Variants in QNG1 observed in about 807,000 individuals in gnomAD.
QNG1 encodes the protein queuosine 5'-phosphate N-glycosylase/hydrolase.
the QNG1 span, chr9:83,939,755 A>G: frequency 5.3e-5 from 84 of 1,584,404 alleles, no homozygotes; most frequent in African/African-American, 9.7e-4. Context: ...TGCAAGGGGG[A>G]AAAGCAGTAA....
chr9:83,946,523 A>G, the QNG1 span, among the ~76,000 whole-genome samples: 1 of 152,238 alleles, frequency 6.6e-6, no homozygotes, highest in African/African-American at 2.4e-5. Context: ...AAATATGAAA[A>G]TAAAATAGCC....
chr9:83,956,251 C>T, the QNG1 span: 14 of 1,614,016 alleles, frequency 8.7e-6, no homozygotes, highest in African/African-American at 2.7e-5. Context: ...CACTTGTGCT[C>T]GTCCTGCTCC....
At chr9:83,954,362 A>C in the QNG1 span, among the ~76,000 whole-genome samples, 1 of 152,196 alleles carries the variant, frequency 6.6e-6, no homozygotes, top group Non-Finnish European at 1.5e-5. Flanking sequence ...AAGGAAGTAA[A>C]GAATGAAATA....
At chr9:83,954,147 G>A in the QNG1 span, among the ~76,000 whole-genome samples, 97 of 152,086 alleles carry the variant, frequency 6.4e-4, no homozygotes, top group Non-Finnish European at 1.2e-3. Context: ...ACCTACCTAG[G>A]CCTCCCAAAG....
At chr9:83,947,924 C>G in the QNG1 span, among the ~76,000 whole-genome samples, 3 of 152,310 alleles carry the variant, frequency 2.0e-5, no homozygotes, top group African/African-American at 7.2e-5. Context: ...CAGCCTCTGC[C>G]CGGCCGCCAC....
At chr9:83,939,835 G>T in the QNG1 span, 1 of 818,580 alleles carries the variant, frequency 1.2e-6, no homozygotes, top group South Asian at 1.6e-5. Flanking sequence ...GTATTTAAAT[G>T]GTACTCATTT....
At chr9:83,942,310 T>A in the QNG1 span, among the ~76,000 whole-genome samples, 1 of 152,198 alleles carries the variant, frequency 6.6e-6, no homozygotes, top group Non-Finnish European at 1.5e-5. Context: ...ATGGCCCAGG[T>A]ATTTGGTCTA....
the QNG1 span, chr9:83,939,320 C>T: frequency 1.9e-6 from 1 of 537,136 alleles, no homozygotes; most frequent in South Asian, 2.2e-5. Context: ...GATCCACCCG[C>T]CTCAGCCTCC....
chr9:83,948,479 G>A, the QNG1 span, among the ~76,000 whole-genome samples: 14 of 148,988 alleles, frequency 9.4e-5, no homozygotes, highest in Non-Finnish European at 1.9e-4. Flanking sequence ...GGGAGGTGGG[G>A]GGCGCCTCCG....
the QNG1 span, chr9:83,939,526 A>G: frequency 6.2e-7 from 1 of 1,612,340 alleles, no homozygotes; most frequent in East Asian, 2.2e-5. Context: ...AATATATGCA[A>G]CGTATGCGAT....
chr9:83,944,541 T>C, the QNG1 span, among the ~76,000 whole-genome samples: 7 of 152,250 alleles, frequency 4.6e-5, no homozygotes, highest in Non-Finnish European at 1.0e-4. Flanking sequence ...TCATGTAACA[T>C]AAATTTAGGT....
chr9:83,948,237 C>T, the QNG1 span, among the ~76,000 whole-genome samples: 55 of 150,990 alleles, frequency 3.6e-4, no homozygotes, highest in African/African-American at 1.3e-3. Context: ...CGTTTCTGGC[C>T]GGCCGCCCCG....
At chr9:83,955,632 T>G in the QNG1 span, 1 of 1,610,762 alleles carries the variant, frequency 6.2e-7, no homozygotes. Context: ...GCACTAGTTA[T>G]TGGTATCCCT....
At chr9:83,939,073 T>C in the QNG1 span, 1 of 178,906 alleles carries the variant, frequency 5.6e-6, no homozygotes, top group Non-Finnish European at 1.2e-5. Context: ...GTTGTTGTTG[T>C]TGTTGTTGTT....
the QNG1 span, chr9:83,955,760 G>T: frequency 1.1e-6 from 1 of 937,002 alleles, no homozygotes; most frequent in East Asian, 2.4e-5. Flanking sequence ...TGCACCAAAA[G>T]TGGAAGAATA....
chr9:83,956,291 C>G, the QNG1 span: 4 of 1,614,176 alleles, frequency 2.5e-6, no homozygotes, highest in African/African-American at 1.3e-5. Flanking sequence ...GCGTGTCTGT[C>G]ACGAACACCC....
the QNG1 span, among the ~76,000 whole-genome samples, chr9:83,949,958 T>C: frequency 2.0e-5 from 3 of 150,192 alleles, no homozygotes; most frequent in Admixed American, 1.3e-4. Flanking sequence ...TAGATTATAA[T>C]AGATATAATA....
At chr9:83,949,509 G>A in the QNG1 span, among the ~76,000 whole-genome samples, 1 of 152,276 alleles carries the variant, frequency 6.6e-6, no homozygotes, top group African/African-American at 2.4e-5. Flanking sequence ...AGCCGGGCAT[G>A]GTGGCACATG....
At chr9:83,943,331 C>CAAAAAAAAAAAA in the QNG1 span, among the ~76,000 whole-genome samples, 7 of 62,522 alleles carry the variant, frequency 1.1e-4, no homozygotes, top group East Asian at 3.9e-4. Context: ...CAGAGCGTCT[C>CAAAAAAAAAAAA]AAAAAAAAAA....
Sources: gnomAD v4.1 joint callset for allele counts (sites outside exome capture counted in the v4.1 genomes callset) on GRCh38, gnomAD v4.1.1 for gene constraint, MANE v1.5 for transcripts, NCBI Gene and HGNC (gene_info 2026-07-23, HGNC 2026-07-21) for gene names.